CSPP1: variants seen among roughly 807,000 people sequenced by gnomAD.
CSPP1 encodes centrosome and spindle pole associated protein 1, also known as centrosome and spindle pole-associated protein 1.
A neutral mutation model predicts 164.4 loss-of-function variants in CSPP1; 126 were observed. That is an observed-to-expected ratio of 0.77 (90% CI 0.66 to 0.89). The LOEUF (loss-of-function observed/expected upper bound fraction) is 0.89, where lower values mean the gene tolerates loss of function less well. CSPP1 is among the 40% of genes least tolerant of loss of function. CSPP1 has a pLI of 0.00. For missense variants in CSPP1, 1,395 were observed against 1,449.8 expected, an observed-to-expected ratio of 0.96 and a Z score of 0.61; for synonymous variants, 472 against 476.7, an observed-to-expected ratio of 0.99 and a Z score of 0.13.
At chr8:67,124,966 C>T (rs1173083186) in intron 15 of CSPP1, among the ~76,000 whole-genome samples, 2 of 152,140 alleles carry the variant, frequency 1.3e-5, no homozygotes, top group Non-Finnish European at 2.9e-5. Context: ...AGCCATTGTG[C>T]CCATCCATAG....
At position 67,113,402 on chromosome 8, in the gene CSPP1, A is replaced by T. The variant is rs16933166; in HGVS notation, c.1188-403A>T. 6.8e-3 allele frequency among the ~76,000 whole-genome samples: 1,039 copies of T among 152,218 alleles called. 8 individuals are homozygous for T. The highest frequency in any genetic ancestry group is 9.9e-3 in the Admixed American group (151 of 15,298). On this transcript the variant is annotated intron_variant, in intron 10 of 30. Transcript: ENST00000678616. ...GTTAGCTATCTTTAACATCATTTTTAAAAAAACCCTATTATTAGGAAGTAT... is the reference window on the plus strand; with the variant it reads ...GTTAGCTATCTTTAACATCATTTTTTAAAAAACCCTATTATTAGGAAGTAT...
chr8:67,182,689 G>A (rs180809652), intron 28 of CSPP1, among the ~76,000 whole-genome samples: 17 of 152,136 alleles, frequency 1.1e-4, no homozygotes, highest in African/African-American at 3.9e-4. Flanking sequence ...CGGGTGTGAC[G>A]TGGCATCTCA....
At chr8:67,100,731 C>T (rs900630291) in intron 7 of CSPP1, among the ~76,000 whole-genome samples, 4 of 150,306 alleles carry the variant, frequency 2.7e-5, no homozygotes, top group Non-Finnish European at 4.4e-5. Context: ...AGGCATGAGC[C>T]GCCGTGCCCG....
rs1206214608 is a variant in CSPP1, at chr8:67,193,495, GTC to G, written c.3370_3371del (p.Leu1124LysfsTer9). The stretch of plus-strand genomic sequence containing the variant: ...AGTCGTCCTAATGTAGCACCAGATG[GTC>G]TCTCTCTAAAATCTATATCCAGTGT... On this transcript the variant is annotated frameshift_variant, in exon 30 of 31. Coordinates refer to ENST00000678616, the MANE Select transcript of CSPP1 (RefSeq NM_001382391.1). LOFTEE classifies it high-confidence loss of function. The G allele has an allele frequency of 6.2e-7, 1 of 1,613,254 alleles. No homozygotes were observed. The highest frequency in any genetic ancestry group is 1.3e-5 in the African/African-American group (1 of 74,922).
At chr8:67,131,925 A>G (rs1201909842) in intron 15 of CSPP1, 26 bp from the exon 16 acceptor site, 1 of 1,556,528 alleles carries the variant, frequency 6.4e-7, no homozygotes, top group Non-Finnish European at 8.7e-7. Flanking sequence ...AATGGATTTA[A>G]ATTATTTATT....
chr8:67,192,262 T>C (rs113267592), intron 29 of CSPP1, among the ~76,000 whole-genome samples: 3,337 of 151,808 alleles, frequency 0.022, 77 homozygotes, highest in South Asian at 0.047. Flanking sequence ...TTTAGTAGAG[T>C]TGGGGTTTCG....
Position 67,172,408 on chromosome 8 carries a change from A to T in CSPP1, c.2829-8A>T, listed in dbSNP as rs754544892. ...AAGCACATATTATGATTTGTCATTT[A>T]TCTATAGGAAAAAGGAAAGGAATCC... is the stretch of plus-strand genomic sequence containing the variant. On this transcript the variant is annotated splice_polypyrimidine_tract_variant and splice_region_variant and intron_variant, in intron 24 of 30. Transcript: ENST00000678616. 3.1e-6 allele frequency: 5 copies of T among 1,605,522 alleles called. No individual in the cohort carries two copies. The African/African-American group carries it at 4.0e-5, about 13-fold the overall frequency.
chr8:67,079,536 G>C (rs1306819896), intron 3 of CSPP1, among the ~76,000 whole-genome samples: 5 of 152,154 alleles, frequency 3.3e-5, no homozygotes, highest in African/African-American at 1.2e-4. Context: ...TTTTGTAAAA[G>C]CTTCCTAGTG....
chr8:67,083,102 G>A (rs1341391398), intron 3 of CSPP1, among the ~76,000 whole-genome samples: 2 of 152,114 alleles, frequency 1.3e-5, no homozygotes, highest in Non-Finnish European at 2.9e-5. Context: ...AGTGTTTTCT[G>A]TTGACTAAAC....
chr8:67,110,710 T>TA (rs1449129887), intron 9 of CSPP1, among the ~76,000 whole-genome samples: 1 of 152,204 alleles, frequency 6.6e-6, no homozygotes, highest in Non-Finnish European at 1.5e-5. Flanking sequence ...TTTACCTCTT[T>TA]ACCTGTATCT....
intron 7 of CSPP1, among the ~76,000 whole-genome samples, chr8:67,096,215 A>G (rs1812722694): frequency 6.6e-6 from 1 of 152,158 alleles, no homozygotes; most frequent in Non-Finnish European, 1.5e-5. Flanking sequence ...GGATGAGGGG[A>G]AAAATAACTC....
chr8:67,101,029 G>A (rs1331798579), intron 7 of CSPP1, among the ~76,000 whole-genome samples: 2 of 152,076 alleles, frequency 1.3e-5, no homozygotes, highest in African/African-American at 2.4e-5. Flanking sequence ...AAGGCACATG[G>A]AACAAAGTTT....
intron 28 of CSPP1, among the ~76,000 whole-genome samples, chr8:67,180,952 A>G (rs2129571093): frequency 6.6e-6 from 1 of 152,094 alleles, no homozygotes; most frequent in South Asian, 2.1e-4. Flanking sequence ...TAGTCTACAT[A>G]TTAGTTGTAT....
chr8:67,089,616 C>G (rs1306383087), intron 4 of CSPP1, among the ~76,000 whole-genome samples: 1 of 151,836 alleles, frequency 6.6e-6, no homozygotes, highest in Non-Finnish European at 1.5e-5. Flanking sequence ...TTTCATTTTC[C>G]CCAGCTTGAA....
At chr8:67,158,850 A>T in intron 20 of CSPP1, 141 bp from the exon 21 acceptor site, 1 of 921,394 alleles carries the variant, frequency 1.1e-6, no homozygotes, top group Non-Finnish European at 1.6e-6. Context: ...TTTTATTTTT[A>T]AGCAGACAAC....
chr8:67,118,704 C>G (rs757849067), intron 14 of CSPP1, 39 bp from the exon 15 acceptor site: 15 of 1,363,044 alleles, frequency 1.1e-5, no homozygotes, highest in Non-Finnish European at 1.5e-5. Flanking sequence ...AATGATTATT[C>G]TAAATAAACT....
chr8:67,112,119 G>A, intron 10 of CSPP1, 54 bp downstream of exon 10: 3 of 1,219,460 alleles, frequency 2.5e-6, no homozygotes, highest in Non-Finnish European at 3.6e-6. Context: ...GTGCATTTGT[G>A]TAAAATGACA....
intron 8 of CSPP1, among the ~76,000 whole-genome samples, chr8:67,104,880 TTCGCCCGCCTTGGCC>T (rs1297161885): frequency 6.7e-6 from 1 of 148,612 alleles, no homozygotes; most frequent in African/African-American, 2.5e-5. Context: ...CCTCAGGTAA[TTCGCCCGCCTTGGCC>T]TCCCAAAATG....
chr8:67,166,656 T>G (rs1030582399), intron 24 of CSPP1, among the ~76,000 whole-genome samples: 1 of 152,194 alleles, frequency 6.6e-6, no homozygotes. Context: ...TATTTACTTT[T>G]ACAGTGTTAT....
Sources: gnomAD v4.1 joint callset for allele counts (sites outside exome capture counted in the v4.1 genomes callset) on GRCh38, gnomAD v4.1.1 for gene constraint, MANE v1.5 for transcripts, NCBI Gene and HGNC (gene_info 2026-07-23, HGNC 2026-07-21) for gene names.